ANO10: variants seen among roughly 807,000 people sequenced by gnomAD.
ANO10 encodes anoctamin-10.
Under a neutral mutation model 74.7 loss-of-function variants are expected in ANO10, and 77 were observed. The observed-to-expected ratio is 1.03, with a 90% confidence interval of 0.86 to 1.25. The LOEUF (loss-of-function observed/expected upper bound fraction) is 1.25, where lower values mean the gene tolerates loss of function less well. Ranked by LOEUF, ANO10 falls within the 50% of genes most tolerant of loss-of-function variation. The pLI, the probability that ANO10 is intolerant of heterozygous loss-of-function variation, is 0.00. For synonymous variants in ANO10, 279 were observed against 284.9 expected (o/e 0.98, Z 0.21); for missense variants, 721 against 778.1 (o/e 0.93, Z 0.87).
At chr3:43,687,417 A>G (rs1308325207) in intron 1 of ANO10, among the ~76,000 whole-genome samples, 1 of 152,174 alleles carries the variant, frequency 6.6e-6, no homozygotes, top group Non-Finnish European at 1.5e-5. Flanking sequence ...GGTATTGCTC[A>G]GCACTTTGCC....
At chr3:43,654,849 C>CTACA in intron 1 of ANO10, among the ~76,000 whole-genome samples, 1 of 152,296 alleles carries the variant, frequency 6.6e-6, no homozygotes, top group Non-Finnish European at 1.5e-5. Flanking sequence ...ACTCCATGGG[C>CTACA]TACAGTCCTT....
intron 11 of ANO10, 132 bp downstream of exon 11, chr3:43,549,588 A>T: frequency 2.0e-6 from 2 of 984,272 alleles, no homozygotes; most frequent in Non-Finnish European, 1.6e-6. Flanking sequence ...TATTACTTGA[A>T]CTGTTTTTGC....
At chr3:43,691,214 C>T in intron 1 of ANO10, 1 of 552,596 alleles carries the variant, frequency 1.8e-6, no homozygotes, top group Non-Finnish European at 2.8e-6. Flanking sequence ...CCCGGCGCCG[C>T]TCTGCCTGGG....
At chr3:43,595,144 C>T (rs1337603374) in intron 4 of ANO10, among the ~76,000 whole-genome samples, 2 of 152,118 alleles carry the variant, frequency 1.3e-5, no homozygotes, top group Non-Finnish European at 2.9e-5. Flanking sequence ...CAAAAAAAGT[C>T]CAGGACCAGA....
At chr3:43,482,323 G>C (rs1221416303) in intron 11 of ANO10, among the ~76,000 whole-genome samples, 1 of 152,140 alleles carries the variant, frequency 6.6e-6, no homozygotes, top group Non-Finnish European at 1.5e-5. Flanking sequence ...GCTGTGTCAT[G>C]AGCCATTGGT....
At chr3:43,535,049 C>A (rs886302297) in intron 11 of ANO10, among the ~76,000 whole-genome samples, 2 of 151,558 alleles carry the variant, frequency 1.3e-5, no homozygotes, top group Non-Finnish European at 2.9e-5. Context: ...TCTCAGCTCA[C>A]TGTAACCTTC....
At position 43,681,903 on chromosome 3, in the gene ANO10, A is replaced by C. The variant is rs538679350; in HGVS notation, c.-12+9614T>G. Among the ~76,000 whole-genome samples the C allele has an allele frequency of 9.5e-4, 145 of 152,296 alleles. 1 individual carries two copies. The highest frequency in any genetic ancestry group is 3.4e-3 in the African/African-American group (142 of 41,566). The stretch of plus-strand genomic sequence containing the variant: ...CAATGAGAACAAAGACACAACATAC[A>C]AGAACTTCTGGGACACATTCAAAGC... On this transcript the variant is annotated intron_variant, in intron 1 of 3. Transcript: ENST00000413397.
chr3:43,478,932 C>T (rs2076170364), intron 11 of ANO10, among the ~76,000 whole-genome samples: 1 of 152,166 alleles, frequency 6.6e-6, no homozygotes, highest in Non-Finnish European at 1.5e-5. Flanking sequence ...TAGCCCCCTA[C>T]AGAAATGCCT....
At chr3:43,491,480 C>T (rs1274201875) in intron 11 of ANO10, among the ~76,000 whole-genome samples, 1 of 152,100 alleles carries the variant, frequency 6.6e-6, no homozygotes, top group Admixed American at 6.5e-5. Context: ...CGCCATTGCA[C>T]TCCAGCCTGG....
Position 43,677,612 on chromosome 3 carries a change from T to C in ANO10, c.-12+13905A>G, listed in dbSNP as rs908151111. Among the ~76,000 whole-genome samples the C allele has an allele frequency of 5.9e-5, 9 of 152,330 alleles. No individual in the cohort carries two copies. The East Asian group carries it at 1.5e-3, about 26-fold the overall frequency. On this transcript the variant is annotated intron_variant, in intron 1 of 3. Coordinates refer to the ANO10 transcript ENST00000413397. ...TAATTCAAGCTAATCTGGGCAGACA[T>C]TAATCCACACAATACTGGTTGGGGC...
At chr3:43,413,156 C>A (rs545504357) in intron 12 of ANO10, among the ~76,000 whole-genome samples, 2 of 152,194 alleles carry the variant, frequency 1.3e-5, no homozygotes, top group African/African-American at 4.8e-5. Context: ...TCTTCTCATC[C>A]TACTTTTTAC....
intron 1 of ANO10, among the ~76,000 whole-genome samples, chr3:43,674,884 G>T (rs942423321): frequency 3.3e-5 from 5 of 152,164 alleles, no homozygotes; most frequent in African/African-American, 9.7e-5. Flanking sequence ...TGACCTTGGT[G>T]AGACGGCTTT....
At chr3:43,441,999 C>A (rs2093167293) in intron 11 of ANO10, among the ~76,000 whole-genome samples, 1 of 151,916 alleles carries the variant, frequency 6.6e-6, no homozygotes, top group Non-Finnish European at 1.5e-5. Flanking sequence ...AAGAAATTAC[C>A]TTAACATACT....
chr3:43,602,814 CT>C (rs2082396144), intron 2 of ANO10, among the ~76,000 whole-genome samples: 1 of 152,126 alleles, frequency 6.6e-6, no homozygotes, highest in African/African-American at 2.4e-5. Context: ...AATGTAAGGT[CT>C]TCCTCCCCTC....
intron 1 of ANO10, among the ~76,000 whole-genome samples, chr3:43,685,578 A>T (rs1397991127): frequency 6.6e-6 from 1 of 152,218 alleles, no homozygotes; most frequent in Non-Finnish European, 1.5e-5. Flanking sequence ...GAGTATCTTA[A>T]TTTTACATTT....
intron 1 of ANO10, among the ~76,000 whole-genome samples, chr3:43,679,529 A>G (rs1482296489): frequency 1.3e-5 from 2 of 152,204 alleles, no homozygotes; most frequent in Non-Finnish European, 2.9e-5. Flanking sequence ...GCATAGCCAA[A>G]CAAAAGGCAG....
chr3:43,472,611 A>G (rs1329057775), intron 11 of ANO10: 1 of 152,052 alleles, frequency 6.6e-6, no homozygotes, highest in African/African-American at 2.4e-5. Flanking sequence ...AGACAGAGAG[A>G]GAGACCAAAG....
At chr3:43,566,848 G>A (rs1575443598) in intron 7 of ANO10, among the ~76,000 whole-genome samples, 1 of 152,230 alleles carries the variant, frequency 6.6e-6, no homozygotes, top group East Asian at 1.9e-4. Context: ...ACTTTGACGA[G>A]CTGAGAGAAG....
At chr3:43,629,570 G>A (rs916415852) in intron 1 of ANO10, among the ~76,000 whole-genome samples, 1 of 152,206 alleles carries the variant, frequency 6.6e-6, no homozygotes, top group Non-Finnish European at 1.5e-5. Flanking sequence ...GAAGCTGGCT[G>A]TTGCAATCTT....
Sources: allele counts gnomAD v4.1 joint callset (sites outside exome capture counted in the v4.1 genomes callset), GRCh38; gene constraint gnomAD v4.1.1; transcripts MANE v1.5; gene names NCBI Gene and HGNC (gene_info 2026-07-23, HGNC 2026-07-21).